Variants in PPP1R1C observed in about 807,000 individuals in gnomAD.
PPP1R1C encodes the protein protein phosphatase 1 regulatory inhibitor subunit 1C.
PPP1R1C carries 15 observed loss-of-function variants against 17.4 expected under a neutral mutation model. The ratio of observed to expected loss-of-function variants is 0.86; its 90% CI spans 0.58 to 1.33. The LOEUF (loss-of-function observed/expected upper bound fraction) is 1.33. Among genes scored for constraint, PPP1R1C ranks in the 40% most tolerant of loss-of-function variants. PPP1R1C has a pLI of 0.00. For synonymous variants in PPP1R1C, 35 were observed against 43.1 expected (o/e 0.81, Z 0.73); for missense variants, 143 against 130.0 (o/e 1.10, Z -0.48).
rs1239919113 is a variant in PPP1R1C, at chr2:182,076,190, TTCTTTTC to T, written c.241+12401_241+12407del. On this transcript the variant is annotated intron_variant, in intron 4 of 4. Coordinates refer to ENST00000682840, the MANE Select transcript of PPP1R1C (RefSeq NM_001080545.3). ...AATCAAGGATTTTGAACTTTTTTTT[TTCTTTTC>T]TTTTTTTTTTTTTTTTTTTTTTTTT... Among the ~76,000 whole-genome samples, 45 of 122,626 alleles carry T rather than the reference TTCTTTTC, an allele frequency of 3.7e-4. 1 individual carries two copies. The highest frequency in any genetic ancestry group is 1.6e-3 in the African/African-American group (44 of 27,374). 80.4% of individuals were successfully genotyped at this position (122,626 alleles called of 152,430 possible).
chr2:182,014,320 T>C (rs1485585411), intron 2 of PPP1R1C, among the ~76,000 whole-genome samples: 1 of 152,208 alleles, frequency 6.6e-6, no homozygotes, highest in East Asian at 1.9e-4. Flanking sequence ...TTGGGGGTCT[T>C]GTTAAAATCT....
At position 181,962,142 on chromosome 2, in the gene PPP1R1C, G is replaced by A. The variant is rs765306344; in HGVS notation, n.111+7508G>A. On this transcript the variant is annotated intron_variant and non_coding_transcript_variant, in intron 1 of 5. Transcript: ENST00000464264. The surrounding 1 kb of genome is among the most constrained non-coding windows in gnomAD (Gnocchi z 6.0). The stretch of plus-strand genomic sequence containing the variant: ...AGTCCCTTCTTCTCCAGGTGCTCCC[G>A]GATTTTGCTCTCCAGCTTCCGGTTC... 9.6e-6 allele frequency: 7 copies of A among 732,512 alleles called. No homozygotes were observed. The highest frequency in any genetic ancestry group is 1.4e-5 in the South Asian group (1 of 73,514). The allele number at this position is 732,512 out of a possible 1,614,324, so 45.4% of individuals were successfully genotyped here.
At chr2:181,969,086 A>G (rs1684957645) in intron 1 of PPP1R1C, among the ~76,000 whole-genome samples, 1 of 151,980 alleles carries the variant, frequency 6.6e-6, no homozygotes, top group South Asian at 2.1e-4. Flanking sequence ...TGTAGTTATT[A>G]TTTTTGATAG....
rs549767330 is a variant in PPP1R1C at position 182,025,009 on chromosome 2, A to T, written c.143-36433A>T. Among the ~76,000 whole-genome samples the T allele has an allele frequency of 5.4e-4, 81 of 150,616 alleles. 1 individual carries two copies. Among genetic ancestry groups the T allele is most frequent in the African/African-American group, 1.8e-3 (74 of 41,240 alleles). ...TATTTGGGTGAGGAATATACACTAA[A>T]AGCTATGACTTGACAACCACCCAAT... On this transcript the variant is annotated intron_variant, in intron 2 of 4. Coordinates refer to ENST00000682840, the MANE Select transcript of PPP1R1C (RefSeq NM_001080545.3).
intron 4 of PPP1R1C, among the ~76,000 whole-genome samples, chr2:182,086,898 C>G (rs781412940): frequency 1.3e-5 from 2 of 151,592 alleles, no homozygotes; most frequent in Non-Finnish European, 2.9e-5. Flanking sequence ...CTTCTGTCCC[C>G]TACCAGTATC....
chr2:182,102,496 GAAATAAAAGAATAAATATCC>G (rs1309586302), intron 4 of PPP1R1C, among the ~76,000 whole-genome samples: 2 of 151,984 alleles, frequency 1.3e-5, no homozygotes, highest in African/African-American at 4.8e-5. Flanking sequence ...ATTTGAGGAA[GAAATAAAAGAATAAATATCC>G]AAATAAAGAT....
chr2:182,117,758 A>C (rs1001808454), downstream of PPP1R1C: 11 of 153,122 alleles, frequency 7.2e-5, no homozygotes, highest in African/African-American at 2.7e-4. Flanking sequence ...TTAGCTTGAG[A>C]TTTGCATTGA....
At chr2:182,003,011 A>G (rs1390097348) in intron 2 of PPP1R1C, among the ~76,000 whole-genome samples, 2 of 140,420 alleles carry the variant, frequency 1.4e-5, no homozygotes, top group Non-Finnish European at 3.0e-5. Flanking sequence ...ATTCTTTCCC[A>G]TAGTCAAGCA....
At chr2:182,006,517 G>T (rs962131411) in intron 2 of PPP1R1C, among the ~76,000 whole-genome samples, 1 of 152,198 alleles carries the variant, frequency 6.6e-6, no homozygotes, top group Non-Finnish European at 1.5e-5. Context: ...TTGGTTCTCA[G>T]GCCCGAAGGA....
At chr2:182,011,304 C>T (rs1031465682) in intron 2 of PPP1R1C, among the ~76,000 whole-genome samples, 13 of 151,988 alleles carry the variant, frequency 8.6e-5, no homozygotes, top group Non-Finnish European at 1.0e-4. Context: ...CCTGCTATTG[C>T]TCCATTCAGG....
chr2:181,968,425 G>A (rs1424199662), intron 1 of PPP1R1C, among the ~76,000 whole-genome samples: 2 of 152,070 alleles, frequency 1.3e-5, no homozygotes, highest in African/African-American at 4.8e-5. Context: ...TGCTAAAATG[G>A]ACCTCTTTTT....
At chr2:182,131,265 T>A (rs1033020887), downstream of PPP1R1C, 3 of 152,168 alleles carry the variant, frequency 2.0e-5, no homozygotes, top group Non-Finnish European at 4.4e-5. Context: ...TATACACATG[T>A]ATGTGTATGC....
At chr2:182,050,511 C>T (rs765563946) in intron 2 of PPP1R1C, among the ~76,000 whole-genome samples, 11 of 152,208 alleles carry the variant, frequency 7.2e-5, no homozygotes, top group Non-Finnish European at 1.6e-4. Context: ...CAAGCCTCTG[C>T]TTGTGTATTC....
rs1053381844 is a variant in PPP1R1C at position 182,077,064 on chromosome 2, T to G, written c.241+13273T>G. On this transcript the variant is annotated intron_variant, in intron 4 of 4. Coordinates refer to ENST00000682840, the MANE Select transcript of PPP1R1C (RefSeq NM_001080545.3). ...GCATACAAATGTGTCCTAGACATAA[T>G]GAAAACTTCTAGTCTACCTTCAAAT... Among the ~76,000 whole-genome samples, 7 of 152,222 alleles carry G rather than the reference T, an allele frequency of 4.6e-5. No homozygotes were observed. In the East Asian group the frequency reaches 1.3e-3, roughly 29 times the overall value.
rs1685283801 is a variant in PPP1R1C, at chr2:181,985,940, G to C, written c.-171G>C. Reference sequence around the variant, plus strand: ...GGCATCACCGTGGATGTTGAAGAAGGGGGTTACTCAAACCTCGGCATCTTC... The same window carrying C: ...GGCATCACCGTGGATGTTGAAGAAGCGGGTTACTCAAACCTCGGCATCTTC... On this transcript the variant is annotated 5_prime_UTR_variant, in exon 1 of 5. Coordinates refer to ENST00000682840, the MANE Select transcript of PPP1R1C (RefSeq NM_001080545.3). This position sits in a 1 kb window ranked among gnomAD's most constrained non-coding sequence, Gnocchi z 4.1. The C allele has an allele frequency of 1.6e-6, 1 of 622,170 alleles. No homozygotes were observed. Among genetic ancestry groups the C allele is most frequent in the Non-Finnish European group, 2.9e-6 (1 of 348,426 alleles). 38.5% of individuals were successfully genotyped at this position (622,170 alleles called of 1,614,324 possible).
intron 4 of PPP1R1C, 54 bp downstream of exon 4, chr2:182,063,845 G>A (rs941775808): frequency 2.0e-5 from 27 of 1,365,762 alleles, no homozygotes; most frequent in Middle Eastern, 3.6e-4. Context: ...ATGGCTGGTC[G>A]GCCGTCTGTT....
intron 2 of PPP1R1C, among the ~76,000 whole-genome samples, chr2:182,025,087 A>T (rs1686557889): frequency 6.6e-6 from 1 of 150,870 alleles, no homozygotes; most frequent in Non-Finnish European, 1.5e-5. Flanking sequence ...GCAAAAAATA[A>T]AACAGGTTCT....
chr2:182,121,290 G>C (rs967155274), downstream of PPP1R1C, among the ~76,000 whole-genome samples: 1 of 152,026 alleles, frequency 6.6e-6, no homozygotes, highest in African/African-American at 2.4e-5. Context: ...AACCTGCTGG[G>C]TTGTTGTGAG....
At chr2:182,012,075 A>G (rs770189674) in intron 2 of PPP1R1C, among the ~76,000 whole-genome samples, 1 of 152,092 alleles carries the variant, frequency 6.6e-6, no homozygotes, top group African/African-American at 2.4e-5. Flanking sequence ...GCTGAGAAGA[A>G]GAAGGTGTAT....
Sources: allele counts gnomAD v4.1 joint callset (sites outside exome capture counted in the v4.1 genomes callset), GRCh38; gene constraint gnomAD v4.1.1; non-coding constraint Gnocchi (gnomAD v3.1); transcripts MANE v1.5; gene names NCBI Gene and HGNC (gene_info 2026-07-23, HGNC 2026-07-21).